The following LRP1B variants were observed in gnomAD, a reference collection of about 807,000 sequenced individuals.
LRP1B encodes the protein LDL receptor related protein 1B, also known as low-density lipoprotein receptor-related protein 1B.
A neutral mutation model predicts 556.6 loss-of-function variants in LRP1B; 217 were observed. The observed-to-expected ratio is 0.39, with a 90% CI of 0.35 to 0.44. The LOEUF is 0.44. LRP1B is among the 20% of genes least tolerant of loss of function. LRP1B has a pLI of 1.00. For missense variants in LRP1B, 5,053 were observed against 5,620.8 expected, an observed-to-expected ratio of 0.90 and a Z score of 3.23; for synonymous variants, 2,047 against 1,865.8, an observed-to-expected ratio of 1.10 and a Z score of -2.50.
At chr2:141,453,793 A>G (rs1336673913) in intron 3 of LRP1B, among the ~76,000 whole-genome samples, 1 of 151,986 alleles carries the variant, frequency 6.6e-6, no homozygotes, top group African/African-American at 2.4e-5. Flanking sequence ...TGACACCTGC[A>G]GTTCCAGCTA....
chr2:142,073,850 G>T (rs745552265), intron 1 of LRP1B, among the ~76,000 whole-genome samples: 1 of 151,764 alleles, frequency 6.6e-6, no homozygotes, highest in Non-Finnish European at 1.5e-5. Flanking sequence ...TCCTGCTCCA[G>T]CCACGTGCAC....
At chr2:141,302,277 A>G (rs2105432091) in intron 3 of LRP1B, among the ~76,000 whole-genome samples, 1 of 152,244 alleles carries the variant, frequency 6.6e-6, no homozygotes, top group Non-Finnish European at 1.5e-5. Context: ...AGGAAACTTT[A>G]TTTATAAAGT....
At chr2:140,384,945 A>T (rs931896766) in intron 67 of LRP1B, among the ~76,000 whole-genome samples, 2 of 152,204 alleles carry the variant, frequency 1.3e-5, no homozygotes, top group African/African-American at 4.8e-5. Context: ...ACAGTGTATA[A>T]AAGTGCCAAT....
Position 140,840,065 on chromosome 2 carries a change from C to A in LRP1B, c.5135G>T (p.Gly1712Val), listed in dbSNP as rs1364150577. 1.9e-6 allele frequency: 3 copies of A among 1,610,110 alleles called. No homozygotes were observed. Among genetic ancestry groups the A allele is most frequent in the Non-Finnish European group, 1.7e-6 (2 of 1,178,096 alleles). ...PVRGKLYWTD[G>V]NTINMANMDG... ...CATATTTGCCATGTTAATTGTGTTT[C>A]CATCGGTCCAGTAGAGTTTTCTTAA... The change falls in exon 31 of 91, where the codon GGA (glycine) becomes GTA (valine). Residue 1712 changes from glycine to valine, a missense_variant. Physicochemically the swap from Gly to Val is moderately radical, Grantham distance 109 (BLOSUM62 -3). Around this residue, in one of 5 missense-constraint regions of LRP1B, gnomAD observed 3,619 missense variants for 3,931.9 expected, o/e 0.92. Coordinates refer to ENST00000389484, the MANE Select transcript of LRP1B (RefSeq NM_018557.3).
intron 2 of LRP1B, among the ~76,000 whole-genome samples, chr2:141,777,704 C>T (rs1419254950): frequency 4.6e-5 from 7 of 152,150 alleles, no homozygotes; most frequent in East Asian, 1.9e-4. Flanking sequence ...CGTGAGCCAC[C>T]GCGCCCAGCC....
chr2:140,524,407 G>T (rs1690329410), intron 49 of LRP1B, among the ~76,000 whole-genome samples: 2 of 151,896 alleles, frequency 1.3e-5, no homozygotes, highest in South Asian at 4.1e-4. Context: ...GTGAAAAGTA[G>T]TTTGGAGATT....
intron 1 of LRP1B, among the ~76,000 whole-genome samples, chr2:141,825,121 T>C (rs990334403): frequency 3.3e-5 from 5 of 152,210 alleles, no homozygotes; most frequent in Admixed American, 2.6e-4. Context: ...TGTTTATAAA[T>C]TACCCAGTCT....
chr2:141,555,686 G>T (rs558133246), intron 2 of LRP1B, among the ~76,000 whole-genome samples: 1 of 151,844 alleles, frequency 6.6e-6, no homozygotes, highest in South Asian at 2.1e-4. Context: ...GTAAAATTTT[G>T]AATAAATGTT....
At chr2:140,264,430 C>T (rs923298126) in intron 86 of LRP1B, among the ~76,000 whole-genome samples, 17 of 151,942 alleles carry the variant, frequency 1.1e-4, no homozygotes, top group Non-Finnish European at 2.1e-4. Context: ...GGTTTCACCA[C>T]GTTGGCCAGG....
At chr2:140,746,327 G>A (rs945493860) in intron 35 of LRP1B, among the ~76,000 whole-genome samples, 12 of 152,008 alleles carry the variant, frequency 7.9e-5, no homozygotes, top group Non-Finnish European at 1.8e-4. Flanking sequence ...TTTTTGAAAA[G>A]GAGGAAACTA....
intron 3 of LRP1B, among the ~76,000 whole-genome samples, chr2:141,273,984 T>C (rs1173149661): frequency 2.0e-5 from 3 of 152,222 alleles, no homozygotes; most frequent in Non-Finnish European, 2.9e-5. Flanking sequence ...GTAATCATTA[T>C]GCAAATGTAA....
chr2:141,082,832 T>C (rs1574055861), intron 7 of LRP1B, among the ~76,000 whole-genome samples: 2 of 152,338 alleles, frequency 1.3e-5, no homozygotes, highest in East Asian at 3.9e-4. Context: ...CATTGCATTT[T>C]AATAGACACT....
chr2:141,947,816 GA>G (rs373885349), intron 1 of LRP1B, among the ~76,000 whole-genome samples: 16 of 140,898 alleles, frequency 1.1e-4, no homozygotes, highest in African/African-American at 3.1e-4. Flanking sequence ...TTAAATATCA[GA>G]AAAAAAAAAC....
intron 35 of LRP1B, among the ~76,000 whole-genome samples, chr2:140,757,946 G>C (rs982770436): frequency 1.3e-5 from 2 of 152,104 alleles, no homozygotes; most frequent in South Asian, 2.1e-4. Context: ...GAAAAAATAT[G>C]AGCAATAATA....
chr2:140,415,057 A>T (rs552387579), intron 66 of LRP1B, among the ~76,000 whole-genome samples: 2 of 152,254 alleles, frequency 1.3e-5, no homozygotes, highest in South Asian at 4.1e-4. Flanking sequence ...TTCGATTGAG[A>T]TAAGGACTGA....
In LRP1B at chr2:140,784,880, A is replaced by G. The variant is rs1013987292; in HGVS notation, c.5360-8642T>C. On this transcript the variant is annotated intron_variant, in intron 32 of 90. Transcript: ENST00000389484. ...GAAAGTTCACCCTCTAAGTTATACG[A>G]TCTTAAGAGATAGTTGTAAAACAAA... is the stretch of plus-strand genomic sequence containing the variant. Among the ~76,000 whole-genome samples the G allele has an allele frequency of 2.0e-5, 3 of 152,206 alleles. No homozygotes were observed. In the East Asian group the frequency reaches 5.8e-4, roughly 29 times the overall value.
intron 7 of LRP1B, among the ~76,000 whole-genome samples, chr2:141,176,287 G>T (rs1209981211): frequency 6.6e-6 from 1 of 152,020 alleles, no homozygotes; most frequent in African/African-American, 2.4e-5. Context: ...TGGTTTGACT[G>T]TGTCCCCACC....
At chr2:140,888,838 C>CT (rs1693714559) in intron 23 of LRP1B, among the ~76,000 whole-genome samples, 1 of 151,560 alleles carries the variant, frequency 6.6e-6, no homozygotes, top group South Asian at 2.1e-4. Context: ...TGGCATGTGC[C>CT]TGTAATCCCA....
chr2:140,420,556 G>C, intron 66 of LRP1B, among the ~76,000 whole-genome samples: 1 of 152,196 alleles, frequency 6.6e-6, no homozygotes, highest in Admixed American at 6.5e-5. Context: ...ACTAATACAT[G>C]AATGCTCATA....
Sources: gnomAD v4.1 joint callset for allele counts (sites outside exome capture counted in the v4.1 genomes callset) on GRCh38, gnomAD v4.1.1 for gene constraint, gnomAD v4.1.1 regional missense constraint, MANE v1.5 for transcripts, NCBI Gene and HGNC (gene_info 2026-07-23, HGNC 2026-07-21) for gene names.